The following RANBP3L variants were observed in gnomAD, a reference collection of about 807,000 sequenced individuals.
RANBP3L encodes ran-binding protein 3-like.
Under a neutral mutation model 67.2 loss-of-function variants are expected in RANBP3L, and 56 were observed. The ratio of observed to expected loss-of-function variants is 0.83; its 90% CI spans 0.67 to 1.04. RANBP3L has a LOEUF of 1.04. RANBP3L is among the 50% of genes least tolerant of loss of function. RANBP3L has a pLI of 0.00. For missense variants in RANBP3L, 496 were observed against 535.5 expected, an observed-to-expected ratio of 0.93 and a Z score of 0.73; for synonymous variants, 164 against 181.4, an observed-to-expected ratio of 0.90 and a Z score of 0.77.
At chr5:36,275,294 A>G (rs1750494898) in intron 1 of RANBP3L, among the ~76,000 whole-genome samples, 1 of 152,200 alleles carries the variant, frequency 6.6e-6, no homozygotes, top group Non-Finnish European at 1.5e-5. Context: ...CCACTTACAG[A>G]TGAGGAAACT....
rs537949765 is a variant in RANBP3L, at chr5:36,265,805, T to A, written c.269-285A>T. ...CTGGCCAACATGGCGAAACCCCGTC[T>A]CTACTAAAAATACAAAAAATAATGA... On this transcript the variant is annotated intron_variant, in intron 4 of 13. Transcript: ENST00000296604. Among the ~76,000 whole-genome samples the A allele has an allele frequency of 2.0e-5, 3 of 152,064 alleles. No homozygotes were observed. In the South Asian group the frequency reaches 6.2e-4, roughly 32 times the overall value.
At chr5:36,282,442 T>C (rs1300336641) in intron 1 of RANBP3L, among the ~76,000 whole-genome samples, 1 of 152,180 alleles carries the variant, frequency 6.6e-6, no homozygotes, top group Non-Finnish European at 1.5e-5. Context: ...AGCTGAAATA[T>C]AGCTTCATAT....
chr5:36,297,959 T>G (rs1752343686), intron 1 of RANBP3L, among the ~76,000 whole-genome samples: 1 of 152,006 alleles, frequency 6.6e-6, no homozygotes, highest in Non-Finnish European at 1.5e-5. Context: ...AGTGACTAGG[T>G]GGAAGGACAC....
chr5:36,294,491 G>A (rs977873786), intron 1 of RANBP3L, among the ~76,000 whole-genome samples: 1 of 151,954 alleles, frequency 6.6e-6, no homozygotes, highest in Non-Finnish European at 1.5e-5. Context: ...TAATTATGAT[G>A]TTAGGGTATC....
At chr5:36,276,602 A>AT (rs1019857799) in intron 1 of RANBP3L, among the ~76,000 whole-genome samples, 1 of 151,332 alleles carries the variant, frequency 6.6e-6, no homozygotes, top group Non-Finnish European at 1.5e-5. Flanking sequence ...TTTTTTTTCT[A>AT]TTTTATGTAC....
chr5:36,265,587 T>G, intron 4 of RANBP3L, 67 bp from the exon 5 acceptor site: 1 of 919,336 alleles, frequency 1.1e-6, no homozygotes, highest in Non-Finnish European at 1.7e-6. Flanking sequence ...TATTTGGGGC[T>G]TAACAATCCC....
intron 8 of RANBP3L, among the ~76,000 whole-genome samples, chr5:36,260,121 A>T (rs1749264762): frequency 6.6e-6 from 1 of 151,696 alleles, no homozygotes; most frequent in Admixed American, 6.6e-5. Context: ...TGGGAAGCTG[A>T]GGTGGGCAGA....
intron 1 of RANBP3L, among the ~76,000 whole-genome samples, chr5:36,282,998 C>G (rs939931691): frequency 2.0e-5 from 3 of 152,062 alleles, no homozygotes; most frequent in Non-Finnish European, 2.9e-5. Context: ...GTTTTGTTCA[C>G]CAAGCTAATA....
chr5:36,296,312 G>A (rs1026715123), intron 1 of RANBP3L, among the ~76,000 whole-genome samples: 3 of 152,082 alleles, frequency 2.0e-5, no homozygotes, highest in African/African-American at 7.2e-5. Context: ...CTGAAACGGG[G>A]CAGTCTTATG....
intron 6 of RANBP3L, among the ~76,000 whole-genome samples, chr5:36,264,740 C>T (rs986572026): frequency 6.6e-6 from 1 of 152,198 alleles, no homozygotes; most frequent in African/African-American, 2.4e-5. Context: ...CTACCCAGTA[C>T]TCAACTTTAC....
At chr5:36,292,368 G>A (rs1751855932) in intron 1 of RANBP3L, among the ~76,000 whole-genome samples, 1 of 151,780 alleles carries the variant, frequency 6.6e-6, no homozygotes, top group South Asian at 2.1e-4. Context: ...CACTCTGATG[G>A]TAGTTTCTTT....
chr5:36,296,861 A>G (rs892731634), intron 1 of RANBP3L, among the ~76,000 whole-genome samples: 37 of 152,332 alleles, frequency 2.4e-4, no homozygotes, highest in African/African-American at 8.2e-4. Context: ...CAAAAGACTG[A>G]CTACCCCAGA....
intron 10 of RANBP3L, among the ~76,000 whole-genome samples, chr5:36,256,080 A>G (rs1407970220): frequency 6.6e-6 from 1 of 152,146 alleles, no homozygotes; most frequent in African/African-American, 2.4e-5. Flanking sequence ...AACCATTTGC[A>G]TGCTTCAATA....
At position 36,262,835 on chromosome 5, in the gene RANBP3L, G is replaced by A. The variant is rs956498764; in HGVS notation, c.481-793C>T. On this transcript the variant is annotated intron_variant, in intron 6 of 13. Transcript: ENST00000296604. ...GCATGTGCCATGGTTGGCAAAGATC[G>A]AAGTACATGCTCATTACCTAGTCAT... Among the ~76,000 whole-genome samples the A allele has an allele frequency of 5.3e-5, 8 of 152,074 alleles. No homozygotes were observed. The East Asian group carries it at 9.6e-4, about 18-fold the overall frequency.
chr5:36,301,337 C>G lies in RANBP3L; in HGVS notation c.80G>C (p.Arg27Pro). 6.2e-7 allele frequency: 1 copy of G among 1,613,124 alleles called. No homozygotes were observed. The change falls in exon 1 of 14, where the codon CGG becomes CCG. Residue 27 changes from arginine to proline, a missense_variant. Arg to Pro is a moderately radical substitution (Grantham distance 103). Coordinates refer to ENST00000296604, the MANE Select transcript of RANBP3L (RefSeq NM_145000.5). ...HTCKLKLQED[R>P]RQQEKSVIAQ... ...CTGGACGGACTCACCTTGCTGTCGC[C>G]GGTCCTCCTGCAGCTTCAGTTTACA...
At chr5:36,287,672 C>T (rs752974195) in intron 1 of RANBP3L, among the ~76,000 whole-genome samples, 2 of 152,076 alleles carry the variant, frequency 1.3e-5, no homozygotes, top group Non-Finnish European at 1.5e-5. Context: ...GTTAGTGTCT[C>T]GCCCTAGGTG....
intron 7 of RANBP3L, 112 bp from the exon 8 acceptor site, chr5:36,260,976 C>T: frequency 1.7e-6 from 1 of 595,526 alleles, no homozygotes; most frequent in Non-Finnish European, 3.0e-6. Context: ...TTACTGCTCA[C>T]TTTTGTTAGT....
intron 13 of RANBP3L, among the ~76,000 whole-genome samples, chr5:36,250,137 T>G (rs890696290): frequency 3.9e-5 from 6 of 152,006 alleles, no homozygotes; most frequent in African/African-American, 1.4e-4. Flanking sequence ...TGTCATTAGT[T>G]AGTGAGAGAA....
chr5:36,271,296 G>A lies in RANBP3L; in HGVS notation c.107C>T (p.Ala36Val). The stretch of plus-strand genomic sequence containing the variant: ...CTTTTCAAAAACAAATATGGGTTGA[G>A]CAATGACAGATTTTTCTGTGAAAAA... ...DRRQQEKSVI[A>V]QPIFVFEKGE... Residue 36 changes from alanine (A) to valine (V), a missense_variant, in exon 2 of 14, where the codon GCT becomes GTT. Physicochemically the swap from Ala to Val is moderately conservative, Grantham distance 64 (BLOSUM62 0). Transcript: ENST00000296604. 1 of 1,585,146 alleles carries A rather than the reference G, an allele frequency of 6.3e-7. No homozygotes were observed. The highest frequency in any genetic ancestry group is 8.7e-7 in the Non-Finnish European group (1 of 1,155,430).
Sources: allele counts gnomAD v4.1 joint callset (sites outside exome capture counted in the v4.1 genomes callset), GRCh38; gene constraint gnomAD v4.1.1; transcripts MANE v1.5; gene names NCBI Gene and HGNC (gene_info 2026-07-23, HGNC 2026-07-21).